The following EGLN3 variants were observed in gnomAD, a reference collection of about 807,000 sequenced individuals.
EGLN3 encodes prolyl hydroxylase EGLN3.
EGLN3 carries 15 observed loss-of-function variants against 26.0 expected under a neutral mutation model. The observed-to-expected ratio is 0.58, with a 90% CI of 0.39 to 0.89. The LOEUF (loss-of-function observed/expected upper bound fraction) is 0.89, where lower values mean the gene tolerates loss of function less well. Ranked by LOEUF, EGLN3 falls within the 40% of genes least tolerant of loss-of-function variation. EGLN3 has a pLI of 0.00. For synonymous variants in EGLN3, 147 were observed against 127.2 expected (o/e 1.16, Z -1.05); for missense variants, 238 against 311.6 (o/e 0.76, Z 1.78).
In EGLN3 at chr14:33,927,381, A is replaced by C. The variant is rs577434261; in HGVS notation, c.615-348T>G. ...ATGGGGTTTCACCATGTTGGCCAGG[A>C]TGGTCTCGATCTCTTGACCTGCCCA... On this transcript the variant is annotated intron_variant, in intron 3 of 4. Coordinates refer to ENST00000250457, the MANE Select transcript of EGLN3 (RefSeq NM_022073.4). Among the ~76,000 whole-genome samples the C allele has an allele frequency of 9.2e-5, 14 of 152,100 alleles. No homozygotes were observed. In the East Asian group the frequency reaches 1.4e-3, roughly 15 times the overall value.
chr14:33,944,726 A>G (rs998767340), intron 1 of EGLN3, among the ~76,000 whole-genome samples: 4 of 152,218 alleles, frequency 2.6e-5, no homozygotes, highest in African/African-American at 9.7e-5. Flanking sequence ...ACCACTGCAC[A>G]CTACACTCAA....
chr14:33,941,728 C>T (rs1268411230), intron 1 of EGLN3, among the ~76,000 whole-genome samples: 3 of 152,146 alleles, frequency 2.0e-5, no homozygotes, highest in Admixed American at 6.5e-5. Context: ...TTTCTAAGCA[C>T]ACGGTGGACA....
chr14:33,927,286 A>C lies in EGLN3; in HGVS notation c.615-253T>G, dbSNP rs535071097. 2.4e-4 allele frequency among the ~76,000 whole-genome samples: 36 copies of C among 151,948 alleles called. 1 individual carries two copies. In the East Asian group the frequency reaches 6.8e-3, roughly 29 times the overall value. ...CAGGTTCAAGCGATTCTCCTGCCTC[A>C]GCTTCCCAAGTAGCTGGGACTACAG... On this transcript the variant is annotated intron_variant, in intron 3 of 4. Coordinates refer to ENST00000250457, the MANE Select transcript of EGLN3 (RefSeq NM_022073.4).
chr14:33,940,973 G>A lies in EGLN3; in HGVS notation c.357+9423C>T, dbSNP rs550056347. On this transcript the variant is annotated intron_variant, in intron 1 of 4. Transcript: ENST00000250457. ...GTCGGTGCGAGTCTGCTCTCTCCAG[G>A]AATCAAATAAAAGGCACTGAAAGCA... Among the ~76,000 whole-genome samples, 9 of 152,242 alleles carry A rather than the reference G, an allele frequency of 5.9e-5. No homozygotes were observed. In the South Asian group the frequency reaches 1.9e-3, roughly 32 times the overall value.
chr14:33,930,465 A>T (rs2064394636), intron 2 of EGLN3, among the ~76,000 whole-genome samples: 1 of 152,144 alleles, frequency 6.6e-6, no homozygotes, highest in South Asian at 2.1e-4. Flanking sequence ...GACTTCCCAG[A>T]CTCCTAAATC....
chr14:33,940,370 A>C (rs7160235), intron 1 of EGLN3, among the ~76,000 whole-genome samples: 4,407 of 152,302 alleles, frequency 0.029, 235 homozygotes, highest in African/African-American at 0.099. Context: ...ATGTGAACTA[A>C]AAATCGTTTT....
intron 1 of EGLN3, chr14:33,949,510 T>G (rs184841570): frequency 1.2e-4 from 18 of 152,356 alleles, no homozygotes; most frequent in Admixed American, 1.2e-3. Flanking sequence ...ACTGGAAAAC[T>G]GGCTCAACTA....
In EGLN3 at chr14:33,929,075, C is replaced by T; in HGVS notation, c.614+1G>A. 1 of 1,613,400 alleles carries T rather than the reference C, an allele frequency of 6.2e-7. No homozygotes were observed. Among genetic ancestry groups the T allele is most frequent in the Non-Finnish European group, 8.5e-7 (1 of 1,179,892 alleles). ...AGAGGAATCATGGCTCCGGCTATTA[C>T]CTGGTTGCGTAAGAGGGCTGCACTT... On this transcript the variant is annotated splice_donor_variant, in intron 3 of 4. Coordinates refer to ENST00000250457, the MANE Select transcript of EGLN3 (RefSeq NM_022073.4). LOFTEE classifies it high-confidence loss of function.
At chr14:33,944,718 C>T (rs2064505696) in intron 1 of EGLN3, among the ~76,000 whole-genome samples, 1 of 152,174 alleles carries the variant, frequency 6.6e-6, no homozygotes, top group Admixed American at 6.5e-5. Flanking sequence ...TGGTGACAAC[C>T]ACTGCACACT....
chr14:33,933,054 T>C (rs531405168), intron 1 of EGLN3, among the ~76,000 whole-genome samples: 32 of 152,296 alleles, frequency 2.1e-4, no homozygotes, highest in African/African-American at 7.5e-4. Flanking sequence ...ATGACATCAA[T>C]GCTATAATCT....
Position 33,931,171 on chromosome 14 carries a change from G to A in EGLN3, c.402C>T (p.Arg134=). ...CATCACCGTTGGGGTTGTCCACGTG[G>A]CGAACATAACCTGTTCCATTTCCCG... ...CYPGNGTGYV[R]HVDNPNGDGR... is the part of the protein sequence containing the mutation. The change falls in exon 2 of 5, where the codon CGC becomes CGT. Residue 134 remains arginine (R), a synonymous_variant. Coordinates refer to ENST00000250457, the MANE Select transcript of EGLN3 (RefSeq NM_022073.4). 6.2e-7 allele frequency: 1 copy of A among 1,614,172 alleles called. No homozygotes were observed. The highest frequency in any genetic ancestry group is 2.2e-5 in the East Asian group (1 of 44,882).
rs775765171 is a variant in EGLN3, at chr14:33,929,062, G to A, written c.614+14C>T. 1 of 1,612,360 alleles carries A rather than the reference G, an allele frequency of 6.2e-7. No homozygotes were observed. The highest frequency in any genetic ancestry group is 2.2e-5 in the East Asian group (1 of 44,872). On this transcript the variant is annotated intron_variant, in intron 3 of 4. Coordinates refer to ENST00000250457, the MANE Select transcript of EGLN3 (RefSeq NM_022073.4). The stretch of plus-strand genomic sequence containing the variant: ...ACCAAGCTCCGGAAGAGGAATCATG[G>A]CTCCGGCTATTACCTGGTTGCGTAA...
At chr14:33,929,656 C>T (rs1418116725) in intron 2 of EGLN3, among the ~76,000 whole-genome samples, 3 of 152,140 alleles carry the variant, frequency 2.0e-5, no homozygotes, top group East Asian at 1.9e-4. Context: ...CCAGCCACTT[C>T]GTACCAAATT....
chr14:33,938,253 C>G (rs1401044274), intron 1 of EGLN3, among the ~76,000 whole-genome samples: 3 of 152,230 alleles, frequency 2.0e-5, no homozygotes, highest in Non-Finnish European at 4.4e-5. Context: ...CGCCCTCCCC[C>G]AAGAAGCCAC....
chr14:33,947,048 A>G (rs1416867310), intron 1 of EGLN3, among the ~76,000 whole-genome samples: 2 of 152,260 alleles, frequency 1.3e-5, no homozygotes, highest in Non-Finnish European at 2.9e-5. Flanking sequence ...GCTCAATAAA[A>G]GGTAGTTCTT....
At chr14:33,937,553 A>C (rs2064451520) in intron 1 of EGLN3, among the ~76,000 whole-genome samples, 1 of 152,208 alleles carries the variant, frequency 6.6e-6, no homozygotes, top group African/African-American at 2.4e-5. Flanking sequence ...TCAGCATCTC[A>C]CCAGACCATT....
At chr14:33,931,036 A>T in intron 2 of EGLN3, 60 bp downstream of exon 2, 1 of 1,603,400 alleles carries the variant, frequency 6.2e-7, no homozygotes, top group Non-Finnish European at 8.5e-7. Context: ...CCTCTAAGTT[A>T]TCTGAATCAT....
At chr14:33,942,732 T>G (rs2064491885) in intron 1 of EGLN3, among the ~76,000 whole-genome samples, 1 of 152,256 alleles carries the variant, frequency 6.6e-6, no homozygotes. Context: ...ATTCTTTGTA[T>G]TCTGGAATTA....
At chr14:33,935,608 C>T (rs1466738148) in intron 1 of EGLN3, among the ~76,000 whole-genome samples, 2 of 139,110 alleles carry the variant, frequency 1.4e-5, no homozygotes, top group Non-Finnish European at 3.3e-5. Flanking sequence ...CACACACACA[C>T]ACACACACAC....
Sources: allele counts gnomAD v4.1 joint callset (sites outside exome capture counted in the v4.1 genomes callset), GRCh38; gene constraint gnomAD v4.1.1; transcripts MANE v1.5; gene names NCBI Gene and HGNC (gene_info 2026-07-23, HGNC 2026-07-21).